INPP5F: variants seen among roughly 807,000 people sequenced by gnomAD.
The protein encoded by INPP5F is inositol polyphosphate-5-phosphatase F.
A neutral mutation model predicts 137.2 loss-of-function variants in INPP5F; 97 were observed. The observed-to-expected ratio is 0.71, with a 90% CI of 0.60 to 0.84. INPP5F has a LOEUF of 0.84. INPP5F is among the 40% of genes least tolerant of loss of function. The probability of loss-of-function intolerance (pLI) is 0.00; values close to 1 mark genes in which losing one functional copy is unlikely to be tolerated. For missense variants in INPP5F, 1,271 were observed against 1,371.9 expected, an observed-to-expected ratio of 0.93 and a Z score of 1.16; for synonymous variants, 504 against 476.9, an observed-to-expected ratio of 1.06 and a Z score of -0.74.
intron 1 of INPP5F, among the ~76,000 whole-genome samples, chr10:119,736,540 T>C (rs1848221402): frequency 6.6e-6 from 1 of 152,240 alleles, no homozygotes; most frequent in African/African-American, 2.4e-5. Flanking sequence ...ATACCTTTCA[T>C]AGTTGTATTC....
chr10:119,797,467 G>A lies in INPP5F; in HGVS notation c.875G>A (p.Arg292His), dbSNP rs201210690. 1.9e-6 allele frequency: 3 copies of A among 1,605,210 alleles called. No homozygotes were observed. The highest frequency in any genetic ancestry group is 1.3e-5 in the African/African-American group (1 of 74,734). Residue 292 changes from arginine to histidine, a missense_variant, in exon 8 of 20, where the codon CGC (arginine) becomes CAC (histidine). Arg to His is a conservative substitution (Grantham distance 29). Around this residue, in one of 6 missense-constraint regions of INPP5F, gnomAD observed 593 missense variants for 712.4 expected, o/e 0.83. Transcript: ENST00000650623. ...TGTTTTAATTTTCTTTCAGGAATGC[G>A]CTATAAACGAAGAGGAGTGGATAAA... ...SRRSRHRAGM[R>H]YKRRGVDKNG... is the part of the protein sequence containing the mutation.
At chr10:119,804,758 G>T (rs1589735036) in intron 10 of INPP5F, among the ~76,000 whole-genome samples, 1 of 151,516 alleles carries the variant, frequency 6.6e-6, no homozygotes, top group South Asian at 2.1e-4. Context: ...GTCTCACTCT[G>T]TCGCCCAGGC....
intron 15 of INPP5F, among the ~76,000 whole-genome samples, chr10:119,818,204 C>T (rs562844227): frequency 6.6e-6 from 1 of 152,332 alleles, no homozygotes; most frequent in South Asian, 2.1e-4. Context: ...CTTTCCCGCC[C>T]GTTATCGCAG....
intron 2 of INPP5F, among the ~76,000 whole-genome samples, chr10:119,777,279 T>C (rs953769519): frequency 1.3e-5 from 2 of 152,032 alleles, no homozygotes; most frequent in African/African-American, 4.8e-5. Context: ...AGAGGCCAAG[T>C]CGGGCGCATC....
chr10:119,726,547 C>T (rs1458039421), intron 1 of INPP5F, among the ~76,000 whole-genome samples, 188 bp downstream of exon 1: 1 of 152,228 alleles, frequency 6.6e-6, no homozygotes, highest in Admixed American at 6.5e-5. Context: ...TCCGAGACAG[C>T]GCCGAGCCCC....
At chr10:119,789,683 G>C (rs1850066979) in intron 3 of INPP5F, among the ~76,000 whole-genome samples, 1 of 152,056 alleles carries the variant, frequency 6.6e-6, no homozygotes, top group Non-Finnish European at 1.5e-5. Context: ...TGTGAGGCTG[G>C]AGTTTTGGGA....
chr10:119,827,556 C>CCTT lies in INPP5F; in HGVS notation c.3177_3179dup (p.Ser1060dup). 6.2e-7 allele frequency: 1 copy of CCTT among 1,613,810 alleles called. No individual in the cohort carries two copies. Among genetic ancestry groups the CCTT allele is most frequent in the Non-Finnish European group, 8.5e-7 (1 of 1,179,692 alleles). On this transcript the variant is annotated inframe_insertion, in exon 20 of 20. Coordinates refer to ENST00000650623, the MANE Select transcript of INPP5F (RefSeq NM_014937.4). ...GACAGGGCTTCATGTAACTCCTTCT[C>CCTT]CTTCAGAGAGCAGTAGCAGCAGAGC...
At chr10:119,781,850 A>C in intron 3 of INPP5F, 79 bp downstream of exon 3, 1 of 1,165,230 alleles carries the variant, frequency 8.6e-7, no homozygotes, top group Non-Finnish European at 1.2e-6. Context: ...TCAGTAGACC[A>C]GAAACTTACA....
intron 8 of INPP5F, among the ~76,000 whole-genome samples, 164 bp from the exon 9 acceptor site, chr10:119,798,375 AAAAT>A (rs1850461375): frequency 6.6e-6 from 1 of 152,186 alleles, no homozygotes; most frequent in African/African-American, 2.4e-5. Flanking sequence ...AACTGGAAAA[AAAAT>A]CAGATCTTTG....
chr10:119,802,390 C>T (rs182422436), intron 9 of INPP5F, among the ~76,000 whole-genome samples: 4 of 152,296 alleles, frequency 2.6e-5, no homozygotes, highest in South Asian at 2.1e-4. Context: ...AACCGTCCTA[C>T]CTCCAGACTT....
chr10:119,808,896 A>T (rs1850911295), intron 13 of INPP5F, among the ~76,000 whole-genome samples: 1 of 152,216 alleles, frequency 6.6e-6, no homozygotes, highest in Non-Finnish European at 1.5e-5. Context: ...AAATATCAAA[A>T]GCTTTTTATT....
At position 119,787,658 on chromosome 10, in the gene INPP5F, A is replaced by T. The variant is rs1849971384; in HGVS notation, c.316-3859A>T. On this transcript the variant is annotated intron_variant, in intron 3 of 19. Transcript: ENST00000650623. The surrounding 1 kb of genome is among the most constrained non-coding windows in gnomAD (Gnocchi z 4.1). ...GGGGAAGGGGAGGAGGAAGGGAGGA[A>T]GGCAGGCAGGCAGGCAGGAAGGAAG... is the stretch of plus-strand genomic sequence containing the variant. Among the ~76,000 whole-genome samples the T allele has an allele frequency of 6.6e-6, 1 of 151,758 alleles. No homozygotes were observed. Among genetic ancestry groups the T allele is most frequent in the Non-Finnish European group, 1.5e-5 (1 of 67,878 alleles).
rs1026583144 is a variant in INPP5F at position 119,726,229 on chromosome 10, C to T, written c.-34C>T. Reference sequence around the variant, plus strand: ...ACTAGGACGCCCCGTGCGCCGCCCGCGGGCCGCCGCCTCCCTGGGCGCGCG... The same window carrying T: ...ACTAGGACGCCCCGTGCGCCGCCCGTGGGCCGCCGCCTCCCTGGGCGCGCG... On this transcript the variant is annotated 5_prime_UTR_variant, in exon 1 of 20. Coordinates refer to ENST00000650623, the MANE Select transcript of INPP5F (RefSeq NM_014937.4). 1.4e-5 allele frequency: 19 copies of T among 1,380,158 alleles called. No homozygotes were observed. Among genetic ancestry groups the T allele is most frequent in the Non-Finnish European group, 1.7e-5 (18 of 1,051,106 alleles). 85.5% of individuals were successfully genotyped at this position (1,380,158 alleles called of 1,614,324 possible).
At position 119,748,827 on chromosome 10, in the gene INPP5F, G is replaced by C. The variant is rs1025325445; in HGVS notation, c.98-2249G>C. Among the ~76,000 whole-genome samples, 3 of 152,194 alleles carry C rather than the reference G, an allele frequency of 2.0e-5. No individual in the cohort carries two copies. Among genetic ancestry groups the C allele is most frequent in the African/African-American group, 7.2e-5 (3 of 41,454 alleles). ...CCTGCAGCTCAGACCCCAGGCTTCAGGTTGTCCCTGGCTTGAAGGTGGGGT... is the reference window on the plus strand; with the variant it reads ...CCTGCAGCTCAGACCCCAGGCTTCACGTTGTCCCTGGCTTGAAGGTGGGGT... On this transcript the variant is annotated intron_variant, in intron 1 of 19. Transcript: ENST00000650623. The surrounding 1 kb of genome is among the most constrained non-coding windows in gnomAD (Gnocchi z 4.7).
At chr10:119,807,530 CTG>C (rs776603922) in intron 12 of INPP5F, among the ~76,000 whole-genome samples, 9 of 152,146 alleles carry the variant, frequency 5.9e-5, no homozygotes, top group African/African-American at 7.2e-5. Context: ...TGTGAAAAAA[CTG>C]TGTAAAAAAG....
At position 119,771,870 on chromosome 10, in the gene INPP5F, ATATATATATATATTTTTTTTTTTTTTT is replaced by A. The variant is rs1275282688; in HGVS notation, c.179-9763_179-9737del. 2.7e-3 allele frequency among the ~76,000 whole-genome samples: 44 copies of A among 16,466 alleles called. 1 individual carries two copies. In the South Asian group the frequency reaches 0.061, roughly 23 times the overall value. 10.8% of individuals were successfully genotyped at this position (16,466 alleles called of 152,430 possible). A position where few individuals can be genotyped will look rare whatever the true frequency, so the allele number is the denominator to read the frequency against. On this transcript the variant is annotated intron_variant, in intron 2 of 19. Transcript: ENST00000650623. ...GATATATATATATATATATATATAT[ATATATATATATATTTTTTTTTTTTTTT>A]TTTTTTTTTTTTTTTTGAGATGGAG...
At chr10:119,803,129 A>C (rs1298753934) in intron 9 of INPP5F, among the ~76,000 whole-genome samples, 1 of 152,068 alleles carries the variant, frequency 6.6e-6, no homozygotes, top group East Asian at 1.9e-4. Context: ...CCTAGGTAGC[A>C]CTTTGCTTTC....
intron 2 of INPP5F, among the ~76,000 whole-genome samples, chr10:119,780,908 C>T (rs900204921): frequency 1.3e-5 from 2 of 152,116 alleles, no homozygotes; most frequent in African/African-American, 4.8e-5. Context: ...CTTGAGCATC[C>T]GTGGAGTTTG....
intron 9 of INPP5F, among the ~76,000 whole-genome samples, chr10:119,799,886 T>G (rs1188647573): frequency 6.6e-6 from 1 of 152,186 alleles, no homozygotes; most frequent in East Asian, 1.9e-4. Context: ...TTCCCATGTT[T>G]TCAATGTATT....
Sources: allele counts gnomAD v4.1 joint callset (sites outside exome capture counted in the v4.1 genomes callset), GRCh38; gene constraint gnomAD v4.1.1; regional missense constraint gnomAD v4.1.1; non-coding constraint Gnocchi (gnomAD v3.1); transcripts MANE v1.5; gene names NCBI Gene and HGNC (gene_info 2026-07-23, HGNC 2026-07-21).